Variants in PWP1 observed in about 807,000 individuals in gnomAD.
The protein encoded by PWP1 is PWP1 homolog, endonuclein, also known as periodic tryptophan protein 1 homolog.
In PWP1, 47 loss-of-function variants were observed where a neutral mutation model predicts 69.9. The ratio of observed to expected loss-of-function variants is 0.67; its 90% CI spans 0.53 to 0.86. The LOEUF is 0.86. Among genes scored for constraint, PWP1 ranks in the 40% least tolerant of loss-of-function variants. PWP1 has a pLI of 0.00. For missense variants in PWP1, 551 were observed against 608.8 expected (o/e 0.91, Z 1.00); for synonymous variants, 222 against 208.2 (o/e 1.07, Z -0.57).
intron 5 of PWP1, 71 bp from the exon 6 acceptor site, chr12:107,696,403 T>G: frequency 6.4e-7 from 1 of 1,572,140 alleles, no homozygotes; most frequent in Non-Finnish European, 8.6e-7. Context: ...TAGAATTTGT[T>G]TTTTTGAGCG....
Position 107,709,167 on chromosome 12 carries a change from T to A in PWP1, c.1225T>A (p.Tyr409Asn). The change falls in exon 13 of 15, where the codon TAC (tyrosine) becomes AAC (asparagine). Residue 409 changes from tyrosine to asparagine, a missense_variant. Coordinates refer to ENST00000412830, the MANE Select transcript of PWP1 (RefSeq NM_007062.3). ...GCLVTASADKYVKIWDILGDR... is the reference protein window; with the variant it reads ...GCLVTASADKNVKIWDILGDR... The stretch of plus-strand genomic sequence containing the variant: ...TCTCGTGACTGCTTCAGCTGACAAA[T>A]ACGTGAAGATCTGGGACATCTTAGG... The A allele has an allele frequency of 1.9e-6, 3 of 1,613,950 alleles. No homozygotes were observed. The highest frequency in any genetic ancestry group is 2.5e-6 in the Non-Finnish European group (3 of 1,179,854).
Position 107,697,484 on chromosome 12 carries a change from G to T in PWP1, c.631G>T (p.Gly211Ter). ...TCCCATAGGAAATTACATTGCTGTA[G>T]GAAACATGACCCCTGTTATTGAAGT... ...DDSTGNYIAV[G>*]NMTPVIEVWD... Residue 211 changes from glycine (G) to a stop codon, truncating the protein, a stop_gained, in exon 7 of 15, where the codon GGA becomes TGA. Coordinates refer to ENST00000412830, the MANE Select transcript of PWP1 (RefSeq NM_007062.3). LOFTEE classifies it high-confidence loss of function. The T allele has an allele frequency of 6.3e-7, 1 of 1,592,510 alleles. No homozygotes were observed. Among genetic ancestry groups the T allele is most frequent in the South Asian group, 1.1e-5 (1 of 86,978 alleles).
intron 8 of PWP1, among the ~76,000 whole-genome samples, chr12:107,699,903 G>A (rs1889671113): frequency 6.6e-6 from 1 of 152,202 alleles, no homozygotes; most frequent in Admixed American, 6.5e-5. Context: ...ATATGTAAAG[G>A]AAAGAGGTTT....
intron 8 of PWP1, 89 bp from the exon 9 acceptor site, chr12:107,702,846 T>C (rs1326421678): frequency 1.2e-6 from 1 of 802,866 alleles, no homozygotes; most frequent in Non-Finnish European, 2.2e-6. Flanking sequence ...TTTTATTCTT[T>C]CTGATGCTAT....
At chr12:107,705,648 T>A (rs1163552758) in intron 11 of PWP1, among the ~76,000 whole-genome samples, 1 of 151,752 alleles carries the variant, frequency 6.6e-6, no homozygotes, top group Non-Finnish European at 1.5e-5. Context: ...CGATAGATAG[T>A]TTTCTGAGAA....
At chr12:107,702,385 A>G (rs1473167331) in intron 8 of PWP1, among the ~76,000 whole-genome samples, 1 of 152,042 alleles carries the variant, frequency 6.6e-6, no homozygotes, top group African/African-American at 2.4e-5. Flanking sequence ...GGTTCAAGCT[A>G]TTCTCGTGCC....
In PWP1 at chr12:107,697,576, G is replaced by C; in HGVS notation, c.723G>C (p.Lys241Asn). ...VFTLGSKLSK[K>N]KKKKGKKSSS... ...CACTCGGAAGTAAACTTTCAAAAAA[G>C]AAGAAAAAGAAAGGAAAGAAGGTAA... Residue 241 changes from lysine (K) to asparagine (N), a missense_variant, in exon 7 of 15, where the codon AAG becomes AAC. Coordinates refer to ENST00000412830, the MANE Select transcript of PWP1 (RefSeq NM_007062.3). 6.2e-7 allele frequency: 1 copy of C among 1,603,274 alleles called. No individual in the cohort carries two copies. Among genetic ancestry groups the C allele is most frequent in the Non-Finnish European group, 8.5e-7 (1 of 1,176,658 alleles).
intron 11 of PWP1, among the ~76,000 whole-genome samples, chr12:107,705,306 ATTAG>A (rs144278078): frequency 3.3e-5 from 5 of 152,224 alleles, no homozygotes; most frequent in Middle Eastern, 3.4e-3. Flanking sequence ...CAGAGCAAAG[ATTAG>A]TTAAATTTGT....
intron 7 of PWP1, among the ~76,000 whole-genome samples, chr12:107,698,124 G>T (rs1241997494): frequency 6.6e-6 from 1 of 152,178 alleles, no homozygotes; most frequent in South Asian, 2.1e-4. Context: ...CAGTTTAGGA[G>T]GCTGAGGCGG....
intron 3 of PWP1, among the ~76,000 whole-genome samples, chr12:107,692,189 A>C (rs1889494321): frequency 6.6e-6 from 1 of 152,200 alleles, no homozygotes; most frequent in South Asian, 2.1e-4. Flanking sequence ...GCCTCCTTAA[A>C]GTGGCTTCCT....
At position 107,709,097 on chromosome 12, in the gene PWP1, T is replaced by TTATC. The variant is rs1889889098; in HGVS notation, c.1169-12_1169-9dup. 1.2e-6 allele frequency: 2 copies of TTATC among 1,613,764 alleles called. No individual in the cohort carries two copies. The highest frequency in any genetic ancestry group is 2.7e-5 in the African/African-American group (2 of 74,900). On this transcript the variant is annotated splice_polypyrimidine_tract_variant and intron_variant, in intron 12 of 14. Transcript: ENST00000412830. ...TATTTCAAAGCGAAAGTGTCTAAAC[T>TTATC]TATCTTCCTTTAGGTCTTGATCTTA...
rs752414723 is a variant in PWP1, at chr12:107,709,017, G to C, written c.1168+1G>C. On this transcript the variant is annotated splice_donor_variant, in intron 12 of 14. Transcript: ENST00000412830. LOFTEE classifies it high-confidence loss of function. Reference sequence around the variant, plus strand: ...AATGCACACAATGATGAAATCTCTGGTGAGCAAGAGTAATGCTTCTTTCAT... The same window carrying C: ...AATGCACACAATGATGAAATCTCTGCTGAGCAAGAGTAATGCTTCTTTCAT... 5 of 1,613,780 alleles carry C rather than the reference G, an allele frequency of 3.1e-6. No individual in the cohort carries two copies. In the Admixed American group the frequency reaches 8.3e-5, roughly 27 times the overall value.
intron 11 of PWP1, among the ~76,000 whole-genome samples, chr12:107,706,985 T>C (rs1484249075): frequency 3.9e-5 from 6 of 152,202 alleles, no homozygotes; most frequent in African/African-American, 1.4e-4. Flanking sequence ...ACAAATTACC[T>C]TGGGCAGTAT....
chr12:107,709,357 A>C, intron 13 of PWP1, 125 bp downstream of exon 13: 3 of 1,274,246 alleles, frequency 2.4e-6, no homozygotes, highest in Non-Finnish European at 3.2e-6. Flanking sequence ...GTGTTGGGGA[A>C]GTGAATTTTG....
At position 107,710,356 on chromosome 12, in the gene PWP1, A is replaced by C. The variant is rs1480805385; in HGVS notation, c.1291-49A>C. ...AGACAACAGTGAGGATCTAGATATT[A>C]GCGCTTTCTGAAGAGATTGAAATCA... On this transcript the variant is annotated intron_variant, in intron 13 of 14. Coordinates refer to ENST00000412830, the MANE Select transcript of PWP1 (RefSeq NM_007062.3). The C allele has an allele frequency of 2.5e-6, 4 of 1,603,634 alleles. No homozygotes were observed. In the African/African-American group the frequency reaches 5.4e-5, roughly 22 times the overall value.
chr12:107,692,662 C>G (rs1237615115), intron 3 of PWP1, 152 bp from the exon 4 acceptor site: 2 of 631,712 alleles, frequency 3.2e-6, no homozygotes, highest in Non-Finnish European at 5.3e-6. Flanking sequence ...ATTCCTGCTG[C>G]TGCTTACGTA....
At chr12:107,710,569 A>G in intron 14 of PWP1, 59 bp downstream of exon 14, 1 of 1,478,596 alleles carries the variant, frequency 6.8e-7, no homozygotes, top group Non-Finnish European at 9.1e-7. Flanking sequence ...AAAAAAAAAA[A>G]AAAAGACAGG....
At chr12:107,700,669 G>T (rs1264773312) in intron 8 of PWP1, among the ~76,000 whole-genome samples, 1 of 152,094 alleles carries the variant, frequency 6.6e-6, no homozygotes, top group African/African-American at 2.4e-5. Flanking sequence ...GCTTTCAGTT[G>T]TTTTGAGTAT....
At chr12:107,706,827 G>A (rs1593149442) in intron 11 of PWP1, among the ~76,000 whole-genome samples, 2 of 152,206 alleles carry the variant, frequency 1.3e-5, no homozygotes, top group South Asian at 4.1e-4. Flanking sequence ...TTGAAGTCAG[G>A]TAGCATGATG....
Sources: gnomAD v4.1 joint callset for allele counts (sites outside exome capture counted in the v4.1 genomes callset) on GRCh38, gnomAD v4.1.1 for gene constraint, MANE v1.5 for transcripts, NCBI Gene and HGNC (gene_info 2026-07-23, HGNC 2026-07-21) for gene names.